Variants in RBPJL observed in about 807,000 individuals in gnomAD.
RBPJL encodes recombination signal binding protein for immunoglobulin kappa J region like, also known as recombining binding protein suppressor of hairless-like protein.
RBPJL carries 50 observed loss-of-function variants against 57.6 expected under a neutral mutation model. The observed-to-expected ratio is 0.87, with a 90% CI of 0.69 to 1.10. RBPJL has a LOEUF of 1.10. Among genes scored for constraint, RBPJL ranks in the 50% least tolerant of loss-of-function variants. The probability of loss-of-function intolerance (pLI) is 0.00; values close to 1 mark genes in which losing one functional copy is unlikely to be tolerated. For synonymous variants in RBPJL, 303 were observed against 294.4 expected (o/e 1.03, Z -0.30); for missense variants, 684 against 693.7 (o/e 0.99, Z 0.16).
intron 3 of RBPJL, among the ~76,000 whole-genome samples, 153 bp from the exon 4 acceptor site, chr20:45,311,436 G>T (rs1057192384): frequency 4.6e-5 from 7 of 152,170 alleles, no homozygotes; most frequent in Non-Finnish European, 7.3e-5. Flanking sequence ...ATAAGGTTTG[G>T]CTATGAATGG....
In RBPJL at chr20:45,312,418, C is replaced by A. The variant is rs904589002; in HGVS notation, c.619+23C>A. On this transcript the variant is annotated intron_variant, in intron 6 of 11. Coordinates refer to ENST00000343694, the MANE Select transcript of RBPJL (RefSeq NM_014276.4). ...ATCGTGAGCAGGGCGGGGCCTGACCCCCGGCCCGGGCGGGGAGGTGCAACC... is the reference window on the plus strand; with the variant it reads ...ATCGTGAGCAGGGCGGGGCCTGACCACCGGCCCGGGCGGGGAGGTGCAACC... The A allele has an allele frequency of 5.6e-6, 9 of 1,603,344 alleles. No individual in the cohort carries two copies. The African/African-American group carries it at 1.2e-4, about 21-fold the overall frequency.
In RBPJL at chr20:45,317,087, C is replaced by T; in HGVS notation, c.*128C>T. 8.2e-7 allele frequency: 1 copy of T among 1,213,872 alleles called. No individual in the cohort carries two copies. 75.2% of individuals were successfully genotyped at this position (1,213,872 alleles called of 1,614,324 possible). A position where few individuals can be genotyped will look rare whatever the true frequency, so the allele number is the denominator to read the frequency against. On this transcript the variant is annotated 3_prime_UTR_variant, in exon 12 of 12. Transcript: ENST00000343694. ...GCAGAAGGGCAGCTGAAGGCTCACC[C>T]TAGAAACCGGGCCTGGTGGGTCTTA...
rs1987499603 is a variant in RBPJL, at chr20:45,316,811, G to C, written c.1406G>C (p.Ser469Thr). ...CGCGCCGACGGGCTCTTCTACCCTA[G>C]TGCCTTCTCCTTCACCTACACCCCG... ...LVRADGLFYP[S>T]AFSFTYTPEY... The change falls in exon 12 of 12, where the codon AGT becomes ACT. Residue 469 changes from serine to threonine, a missense_variant. Ser to Thr is a moderately conservative substitution (Grantham distance 58, BLOSUM62 1). Transcript: ENST00000343694. 1 of 1,613,926 alleles carries C rather than the reference G, an allele frequency of 6.2e-7. No individual in the cohort carries two copies. The highest frequency in any genetic ancestry group is 8.5e-7 in the Non-Finnish European group (1 of 1,179,852).
chr20:45,311,560 A>G (rs1279327605), intron 3 of RBPJL, 29 bp from the exon 4 acceptor site: 1 of 1,611,198 alleles, frequency 6.2e-7, no homozygotes, highest in Non-Finnish European at 8.5e-7. Flanking sequence ...AGATGGATGC[A>G]CGACTCCAAC....
chr20:45,311,727 C>G (rs1987180634), intron 4 of RBPJL, 68 bp downstream of exon 4: 3 of 1,581,076 alleles, frequency 1.9e-6, no homozygotes, highest in Non-Finnish European at 2.6e-6. Context: ...GGGCCCGAGA[C>G]GGGGCGGTTC....
intron 6 of RBPJL, among the ~76,000 whole-genome samples, chr20:45,312,687 G>A (rs374710525): frequency 6.6e-6 from 1 of 152,040 alleles, no homozygotes; most frequent in African/African-American, 2.4e-5. Context: ...GTTGAACTAG[G>A]GACAGACTAA....
intron 2 of RBPJL, chr20:45,308,549 G>A: frequency 2.3e-6 from 1 of 432,234 alleles, no homozygotes. Context: ...GAATTCATTG[G>A]AAGCTTAGAA....
intron 9 of RBPJL, 79 bp from the exon 10 acceptor site, chr20:45,316,107 AG>A: frequency 7.0e-7 from 1 of 1,434,068 alleles, no homozygotes; most frequent in Non-Finnish European, 9.7e-7. Flanking sequence ...CTAACGCAGA[AG>A]CCCACGCGCC....
intron 9 of RBPJL, chr20:45,315,979 AAG>A (rs1987445594): frequency 9.9e-6 from 4 of 405,864 alleles, no homozygotes; most frequent in African/African-American, 2.0e-5. Flanking sequence ...AGAAAGAAGA[AAG>A]AAGAAATCAG....
At position 45,311,916 on chromosome 20, in the gene RBPJL, A is replaced by T; in HGVS notation, c.406A>T (p.Thr136Ser). The T allele has an allele frequency of 6.4e-7, 1 of 1,551,466 alleles. No homozygotes were observed. The highest frequency in any genetic ancestry group is 8.7e-7 in the Non-Finnish European group (1 of 1,147,046). The change falls in exon 5 of 12, where the codon ACG becomes TCG. Residue 136 changes from threonine (T) to serine (S), a missense_variant. Physicochemically the swap from Thr to Ser is moderately conservative, Grantham distance 58. Coordinates refer to ENST00000343694, the MANE Select transcript of RBPJL (RefSeq NM_014276.4). ...LDSASGSATE[T>S]QKLNFEQQPD... ...CAGCGCGTCCGGCAGCGCCACTGAG[A>T]CGCAGAAGCTGAATTTCGAGCAGCA...
intron 9 of RBPJL, among the ~76,000 whole-genome samples, chr20:45,315,528 C>T (rs1194849807): frequency 6.6e-6 from 1 of 151,962 alleles, no homozygotes; most frequent in African/African-American, 2.4e-5. Flanking sequence ...ATCACGAGGC[C>T]AGGAGTTTGA....
intron 3 of RBPJL, among the ~76,000 whole-genome samples, chr20:45,311,282 G>A (rs1271758150): frequency 6.6e-6 from 1 of 152,158 alleles, no homozygotes; most frequent in Non-Finnish European, 1.5e-5. Flanking sequence ...CAGTTTGAAG[G>A]CTGATGCTGT....
chr20:45,312,092 G>A (rs920742875), intron 5 of RBPJL, 129 bp from the exon 6 acceptor site: 30 of 1,497,004 alleles, frequency 2.0e-5, no homozygotes, highest in Admixed American at 6.8e-5. Context: ...TTAAGGCCGA[G>A]CCTGAGAGCC....
Position 45,316,507 on chromosome 20 carries a change from G to A in RBPJL, c.1207G>A (p.Glu403Lys). 8.4e-6 allele frequency: 13 copies of A among 1,542,792 alleles called. No individual in the cohort carries two copies. The highest frequency in any genetic ancestry group is 1.2e-5 in the South Asian group (1 of 83,008). ...CGGCGGGGGCGACGTGGCCACGCTG[G>A]AGCTCCACGGAGAGAACTTCCACGC... Reference protein sequence around the residue: ...LSGGGDVATLELHGENFHAGL... With the variant: ...LSGGGDVATLKLHGENFHAGL... Residue 403 changes from glutamate (E) to lysine (K), a missense_variant, in exon 11 of 12, where the codon GAG becomes AAG. Physicochemically the swap from Glu to Lys is moderately conservative, Grantham distance 56. Coordinates refer to ENST00000343694, the MANE Select transcript of RBPJL (RefSeq NM_014276.4).
At chr20:45,316,088 C>T (rs1987449612) in intron 9 of RBPJL, 99 bp from the exon 10 acceptor site, 1 of 1,145,166 alleles carries the variant, frequency 8.7e-7, no homozygotes, top group African/African-American at 1.5e-5. Context: ...GATTAGTATC[C>T]AGTTCGGTCT....
At position 45,313,574 on chromosome 20, in the gene RBPJL, A is replaced by G. The variant is rs1987305742; in HGVS notation, c.726A>G (p.Ala242=). Reference sequence around the variant, plus strand: ...AGGATGGGGCCTTTGTGGCCAGTGCACGACAGTGGGCTGCCTTCACGCTCC... The same window carrying G: ...AGGATGGGGCCTTTGTGGCCAGTGCGCGACAGTGGGCTGCCTTCACGCTCC... ...SVEDGAFVAS[A]RQWAAFTLHL... The change falls in exon 7 of 12, where the codon GCA becomes GCG. Residue 242 remains alanine (A), a synonymous_variant. Coordinates refer to ENST00000343694, the MANE Select transcript of RBPJL (RefSeq NM_014276.4). The G allele has an allele frequency of 3.7e-6, 6 of 1,613,074 alleles. No homozygotes were observed. Among genetic ancestry groups the G allele is most frequent in the Non-Finnish European group, 5.1e-6 (6 of 1,179,510 alleles).
At chr20:45,313,130 G>A (rs1420677665) in intron 6 of RBPJL, among the ~76,000 whole-genome samples, 3 of 152,164 alleles carry the variant, frequency 2.0e-5, no homozygotes, top group African/African-American at 4.8e-5. Context: ...CTGTGAACTG[G>A]GAATGCCCAG....
intron 9 of RBPJL, 119 bp downstream of exon 9, chr20:45,314,684 C>T (rs957956351): frequency 1.1e-6 from 1 of 881,612 alleles, no homozygotes; most frequent in Non-Finnish European, 1.8e-6. Context: ...TCCCATGGAA[C>T]ATTAAAATCA....
Position 45,316,825 on chromosome 20 carries a change from A to G in RBPJL, c.1420A>G (p.Thr474Ala). ...GLFYPSAFSF[T>A]YTPEYSVRPG... ...CTTCTACCCTAGTGCCTTCTCCTTC[A>G]CCTACACCCCGGAATACAGCGTGCG... Residue 474 changes from threonine to alanine, a missense_variant, in exon 12 of 12, where the codon ACC becomes GCC. By Grantham distance (58) the Thr-to-Ala change is moderately conservative. Transcript: ENST00000343694. 1 of 1,613,656 alleles carries G rather than the reference A, an allele frequency of 6.2e-7. No homozygotes were observed. Among genetic ancestry groups the G allele is most frequent in the Non-Finnish European group, 8.5e-7 (1 of 1,179,788 alleles).
Sources: allele counts gnomAD v4.1 joint callset (sites outside exome capture counted in the v4.1 genomes callset), GRCh38; gene constraint gnomAD v4.1.1; transcripts MANE v1.5; gene names NCBI Gene and HGNC (gene_info 2026-07-23, HGNC 2026-07-21).